The following TJP1 variants were observed in gnomAD, a reference collection of about 807,000 sequenced individuals.
TJP1 encodes the protein tight junction protein ZO-1.
In TJP1, 43 loss-of-function variants were observed where a neutral mutation model predicts 194.2. The observed-to-expected ratio is 0.22, with a 90% CI of 0.17 to 0.29. The LOEUF (loss-of-function observed/expected upper bound fraction) is 0.29, where lower values mean the gene tolerates loss of function less well. TJP1 is among the 10% of genes least tolerant of loss of function. The pLI is 1.00. For missense variants in TJP1, 1,971 were observed against 2,185.7 expected (o/e 0.90, Z 1.96); for synonymous variants, 801 against 779.0 (o/e 1.03, Z -0.47).
chr15:29,968,705 G>A (rs2056418321), exon 1 of TJP1: 3 of 1,196,510 alleles, frequency 2.5e-6, no homozygotes, highest in African/African-American at 1.6e-5. Context: ...TGCCGCGGTT[G>A]GAGGGGGTGA....
intron 2 of TJP1, among the ~76,000 whole-genome samples, chr15:29,949,511 TCCACCTCCACCACCA>T (rs1596310482): frequency 1.3e-3 from 24 of 18,096 alleles, no homozygotes; most frequent in South Asian, 2.0e-3. Context: ...AACCACCACC[TCCACCTCCACCACCA>T]CCACCTCCAC....
At chr15:29,786,175 C>A (rs1394879501) in intron 2 of TJP1, among the ~76,000 whole-genome samples, 1 of 152,088 alleles carries the variant, frequency 6.6e-6, no homozygotes, top group Non-Finnish European at 1.5e-5. Flanking sequence ...CAGTTATGTC[C>A]CTTGGCTAGT....
intron 2 of TJP1, among the ~76,000 whole-genome samples, chr15:29,780,399 C>A (rs1297970389): frequency 6.6e-6 from 1 of 152,062 alleles, no homozygotes; most frequent in Non-Finnish European, 1.5e-5. Flanking sequence ...AGGGTTCACA[C>A]TCCTGTGAGA....
intron 2 of TJP1, among the ~76,000 whole-genome samples, chr15:29,786,345 A>AT (rs1197786018): frequency 6.6e-6 from 1 of 152,112 alleles, no homozygotes; most frequent in African/African-American, 2.4e-5. Flanking sequence ...TTTCTCTATA[A>AT]AATTAGCCTC....
chr15:29,759,940 C>G, intron 8 of TJP1: 1 of 422,422 alleles, frequency 2.4e-6, no homozygotes. Context: ...GCAGATATCT[C>G]TTCGAGACAG....
intron 2 of TJP1, among the ~76,000 whole-genome samples, chr15:29,934,631 C>T (rs1298725731): frequency 6.6e-6 from 1 of 152,144 alleles, no homozygotes; most frequent in Non-Finnish European, 1.5e-5. Flanking sequence ...GCTTATTGAC[C>T]TCCTTCCTTA....
intron 2 of TJP1, among the ~76,000 whole-genome samples, chr15:29,781,483 C>T (rs1267824396): frequency 1.3e-5 from 2 of 152,108 alleles, no homozygotes; most frequent in Admixed American, 1.3e-4. Flanking sequence ...TCAGCATCAT[C>T]CTGAGACCAA....
At chr15:29,720,048 T>C in intron 19 of TJP1, 32 bp from the exon 20 acceptor site, 14 of 1,556,836 alleles carry the variant, frequency 9.0e-6, no homozygotes, top group Non-Finnish European at 1.2e-5. Flanking sequence ...TTAAATATAG[T>C]GTTTCTGTTT....
intron 2 of TJP1, among the ~76,000 whole-genome samples, chr15:29,783,619 T>C (rs2047513210): frequency 6.6e-6 from 1 of 152,228 alleles, no homozygotes; most frequent in Non-Finnish European, 1.5e-5. Flanking sequence ...GTAGTATAAC[T>C]ATGCAGCCAT....
At chr15:29,834,366 G>A (rs906556155) in intron 2 of TJP1, among the ~76,000 whole-genome samples, 6 of 151,706 alleles carry the variant, frequency 4.0e-5, no homozygotes, top group African/African-American at 9.7e-5. Context: ...GATTACAGGC[G>A]GGCACCACCC....
chr15:29,879,513 C>T (rs865992489), intron 2 of TJP1, among the ~76,000 whole-genome samples: 11 of 152,226 alleles, frequency 7.2e-5, no homozygotes, highest in African/African-American at 2.6e-4. Flanking sequence ...ATTTCTAAGG[C>T]TGCATTAATG....
chr15:29,950,355 T>C (rs1488816511), intron 2 of TJP1, among the ~76,000 whole-genome samples: 2 of 138,610 alleles, frequency 1.4e-5, no homozygotes, highest in African/African-American at 2.8e-5. Flanking sequence ...ACCACCTCCA[T>C]TACCACTACT....
At chr15:29,891,511 C>CT (rs1019439774) in intron 2 of TJP1, among the ~76,000 whole-genome samples, 1 of 152,198 alleles carries the variant, frequency 6.6e-6, no homozygotes, top group East Asian at 1.9e-4. Flanking sequence ...CAGATATTGA[C>CT]TTTTTTATAA....
intron 2 of TJP1, among the ~76,000 whole-genome samples, chr15:29,860,343 G>A (rs1031062982): frequency 2.0e-5 from 3 of 152,086 alleles, no homozygotes; most frequent in Admixed American, 6.5e-5. Flanking sequence ...TGTCCATTCC[G>A]TCTTCAAGTA....
intron 8 of TJP1, among the ~76,000 whole-genome samples, chr15:29,748,145 TAAATA>T (rs777858416): frequency 2.0e-5 from 3 of 152,224 alleles, no homozygotes; most frequent in Non-Finnish European, 4.4e-5. Context: ...GAATCCATGT[TAAATA>T]AAATAAGGCG....
chr15:29,799,416 A>ATT (rs565711466), intron 2 of TJP1, among the ~76,000 whole-genome samples: 11 of 144,368 alleles, frequency 7.6e-5, no homozygotes, highest in Non-Finnish European at 1.4e-4. Flanking sequence ...AGAAAAAAAA[A>ATT]TTTTTTTTTT....
At position 29,708,688 on chromosome 15, in the gene TJP1, A is replaced by G. The variant is rs756074639; in HGVS notation, c.4721T>C (p.Leu1574Pro). 6.2e-6 allele frequency: 10 copies of G among 1,614,110 alleles called. No homozygotes were observed. In the African/African-American group the frequency reaches 1.3e-4, roughly 22 times the overall value. The change falls in exon 25 of 28, where the codon CTT becomes CCT. Residue 1574 changes from leucine to proline, a missense_variant. Transcript: ENST00000614355. ...SSKTPTSPKTLVKSHSLAQPP... is the reference protein window; with the variant it reads ...SSKTPTSPKTPVKSHSLAQPP... ...CTGTGCCAAACTGTGCGATTTCACAAGAGTTTTTGGAGAAGTGGGAGTTTT... is the reference window on the plus strand; with the variant it reads ...CTGTGCCAAACTGTGCGATTTCACAGGAGTTTTTGGAGAAGTGGGAGTTTT...
Position 29,877,666 on chromosome 15 carries a change from T to C in TJP1, c.307-76964A>G, listed in dbSNP as rs564858567. On this transcript the variant is annotated intron_variant, in intron 2 of 28. Coordinates refer to the TJP1 transcript ENST00000356107. ...TCTTTCTTTCTTTGTCTCTCTCTCT[T>C]TCTTTTTTTTTTGAGAGAGTCTCAC... 2.6e-5 allele frequency among the ~76,000 whole-genome samples: 4 copies of C among 151,864 alleles called. No homozygotes were observed. The East Asian group carries it at 7.7e-4, about 29-fold the overall frequency.
chr15:29,722,741 G>A (rs2151158342), intron 18 of TJP1, among the ~76,000 whole-genome samples: 1 of 152,312 alleles, frequency 6.6e-6, no homozygotes, highest in South Asian at 2.1e-4. Flanking sequence ...AAAGCCACAG[G>A]CACACAATGC....
Sources: gnomAD v4.1 joint callset for allele counts (sites outside exome capture counted in the v4.1 genomes callset) on GRCh38, gnomAD v4.1.1 for gene constraint, MANE v1.5 for transcripts, NCBI Gene and HGNC (gene_info 2026-07-23, HGNC 2026-07-21) for gene names.